SUGCT: variants seen among roughly 807,000 people sequenced by gnomAD.
SUGCT encodes the protein succinyl-CoA:glutarate-CoA transferase, also known as succinyl-CoA:glutarate CoA-transferase.
Under a neutral mutation model 55.0 loss-of-function variants are expected in SUGCT, and 41 were observed. The observed-to-expected ratio is 0.74, with a 90% CI of 0.58 to 0.97. The LOEUF (loss-of-function observed/expected upper bound fraction) is 0.97. SUGCT is among the 50% of genes least tolerant of loss of function. SUGCT has a pLI of 0.00. For missense variants in SUGCT, 568 were observed against 547.8 expected (o/e 1.04, Z -0.37); for synonymous variants, 187 against 200.4 (o/e 0.93, Z 0.56).
At chr7:40,137,193 T>G (rs1483822297) in intron 1 of SUGCT, among the ~76,000 whole-genome samples, 1 of 152,096 alleles carries the variant, frequency 6.6e-6, no homozygotes, top group African/African-American at 2.4e-5. Flanking sequence ...GGTGGTGAGA[T>G]CACAGATCAC....
intron 13 of SUGCT, among the ~76,000 whole-genome samples, chr7:40,793,565 G>T (rs758519599): frequency 1.3e-5 from 2 of 151,818 alleles, no homozygotes; most frequent in African/African-American, 4.8e-5. Context: ...TTTATTTTTT[G>T]CTGTTATTGT....
intron 12 of SUGCT, among the ~76,000 whole-genome samples, chr7:40,735,654 C>T (rs1167948245): frequency 1.3e-5 from 2 of 151,874 alleles, no homozygotes; most frequent in Non-Finnish European, 2.9e-5. Context: ...AAATAAAGGT[C>T]GGACATCCAA....
chr7:40,188,162 G>A (rs117708232), intron 3 of SUGCT, among the ~76,000 whole-genome samples: 2,382 of 152,000 alleles, frequency 0.016, 27 homozygotes, highest in South Asian at 0.043. Context: ...GGATGGGCGC[G>A]GTGGCTCACG....
the SUGCT span, among the ~76,000 whole-genome samples, chr7:40,898,647 C>CCTGGAG: frequency 6.6e-6 from 1 of 151,870 alleles, no homozygotes; most frequent in African/African-American, 2.4e-5. Context: ...TGGCGTGAAC[C>CCTGGAG]GTGGAGGCGG....
intron 13 of SUGCT, among the ~76,000 whole-genome samples, chr7:40,806,584 C>T (rs962634754): frequency 1.3e-5 from 2 of 152,040 alleles, no homozygotes; most frequent in Admixed American, 1.3e-4. Context: ...CTCTCTTCCC[C>T]CTTTTATTTG....
the SUGCT span, among the ~76,000 whole-genome samples, chr7:40,987,320 G>A: frequency 3.9e-5 from 6 of 152,196 alleles, no homozygotes; most frequent in South Asian, 8.3e-4. Flanking sequence ...AGAGGAGGAT[G>A]TAGAAAGTGG....
chr7:40,773,574 T>C (rs1407877349), intron 13 of SUGCT, among the ~76,000 whole-genome samples: 1 of 152,250 alleles, frequency 6.6e-6, no homozygotes, highest in African/African-American at 2.4e-5. Context: ...AATGTACATT[T>C]GCTTCAAATG....
At chr7:40,525,081 A>G (rs1275003003) in intron 12 of SUGCT, among the ~76,000 whole-genome samples, 2 of 152,212 alleles carry the variant, frequency 1.3e-5, no homozygotes, top group African/African-American at 4.8e-5. Flanking sequence ...TTGTCCTAAC[A>G]GTTGTAAATT....
At chr7:40,650,363 G>A (rs557721959) in intron 12 of SUGCT, among the ~76,000 whole-genome samples, 1 of 152,284 alleles carries the variant, frequency 6.6e-6, no homozygotes, top group South Asian at 2.1e-4. Flanking sequence ...AGGACATGCA[G>A]ACTATTGGAG....
intron 12 of SUGCT, among the ~76,000 whole-genome samples, chr7:40,682,907 G>A (rs1784316282): frequency 6.6e-6 from 1 of 152,098 alleles, no homozygotes; most frequent in South Asian, 2.1e-4. Context: ...AGATATGTTT[G>A]AAAATGAAAG....
rs149767442 is a variant in SUGCT, at chr7:40,530,796, C to A, written c.1089+34410C>A. Reference sequence around the variant, plus strand: ...AACTAAATCCCTTCTATATCACAGACAACTAAGCCCAATGCTTTGTGTATA... The same window carrying A: ...AACTAAATCCCTTCTATATCACAGAAAACTAAGCCCAATGCTTTGTGTATA... On this transcript the variant is annotated intron_variant, in intron 12 of 13. Transcript: ENST00000335693. 6.7e-4 allele frequency among the ~76,000 whole-genome samples: 102 copies of A among 152,320 alleles called. 1 individual carries two copies. In the East Asian group the frequency reaches 7.7e-3, roughly 12 times the overall value.
chr7:40,720,638 A>G (rs1437712432), intron 12 of SUGCT, among the ~76,000 whole-genome samples: 2 of 152,230 alleles, frequency 1.3e-5, no homozygotes, highest in Non-Finnish European at 2.9e-5. Flanking sequence ...GAATAAGATT[A>G]GTGTAATGTG....
intron 12 of SUGCT, among the ~76,000 whole-genome samples, chr7:40,748,419 T>A (rs1203071146): frequency 1.3e-5 from 2 of 152,070 alleles, no homozygotes; most frequent in African/African-American, 2.4e-5. Context: ...ATGATTGTTT[T>A]TAACTAATTT....
intron 13 of SUGCT, among the ~76,000 whole-genome samples, chr7:40,852,523 C>T (rs1282399955): frequency 2.0e-5 from 3 of 151,560 alleles, no homozygotes; most frequent in Non-Finnish European, 2.9e-5. Flanking sequence ...ATAGTCTATA[C>T]CCTGTGCATA....
At chr7:40,382,869 C>T (rs979593838) in intron 9 of SUGCT, among the ~76,000 whole-genome samples, 6 of 152,036 alleles carry the variant, frequency 3.9e-5, no homozygotes, top group African/African-American at 1.2e-4. Flanking sequence ...AGTGTGGAAA[C>T]GTGATAATAT....
intron 12 of SUGCT, among the ~76,000 whole-genome samples, chr7:40,628,819 C>A (rs1799647404): frequency 6.6e-6 from 1 of 152,108 alleles, no homozygotes; most frequent in African/African-American, 2.4e-5. Context: ...CAGCTCACTG[C>A]AACCTGTGCC....
At chr7:40,809,513 G>A (rs1392127800) in intron 13 of SUGCT, among the ~76,000 whole-genome samples, 2 of 151,980 alleles carry the variant, frequency 1.3e-5, no homozygotes, top group African/African-American at 4.8e-5. Context: ...AACTTAAAGA[G>A]GTTACTTTAA....
At chr7:40,152,644 G>T (rs534870083) in intron 1 of SUGCT, 18 of 186,086 alleles carry the variant, frequency 9.7e-5, no homozygotes, top group Non-Finnish European at 2.1e-4. Flanking sequence ...AAAGGATTTT[G>T]AAGACTTGGC....
intron 8 of SUGCT, among the ~76,000 whole-genome samples, chr7:40,275,009 C>G (rs987253981): frequency 1.3e-5 from 2 of 152,156 alleles, no homozygotes; most frequent in Admixed American, 6.5e-5. Context: ...CCATGTCGGT[C>G]AGGCTGGTCT....
Sources: gnomAD v4.1 joint callset for allele counts (sites outside exome capture counted in the v4.1 genomes callset) on GRCh38, gnomAD v4.1.1 for gene constraint, MANE v1.5 for transcripts, NCBI Gene and HGNC (gene_info 2026-07-23, HGNC 2026-07-21) for gene names.